The following PALB2 variants were observed in gnomAD, a reference collection of about 807,000 sequenced individuals.
PALB2 encodes mutant partner and localizer of BRCA2.
A neutral mutation model predicts 107.4 loss-of-function variants in PALB2; 82 were observed. The observed-to-expected ratio is 0.76, with a 90% CI of 0.64 to 0.92. PALB2 has a LOEUF of 0.92. Ranked by LOEUF, PALB2 falls within the 40% of genes least tolerant of loss-of-function variation. The pLI is 0.00. For missense variants in PALB2, 1,374 were observed against 1,379.9 expected (o/e 1.00, Z 0.07); for synonymous variants, 489 against 496.8 (o/e 0.98, Z 0.21).
chr16:23,631,094 T>C (rs1597092029), intron 4 of PALB2, among the ~76,000 whole-genome samples: 1 of 139,034 alleles, frequency 7.2e-6, no homozygotes, highest in Admixed American at 7.4e-5. Context: ...TGAAACCCCG[T>C]CTCTACTAAA....
intron 7 of PALB2, among the ~76,000 whole-genome samples, 178 bp downstream of exon 7, chr16:23,626,058 G>T (rs1966841949): frequency 6.6e-6 from 1 of 152,056 alleles, no homozygotes; most frequent in African/African-American, 2.4e-5. Flanking sequence ...TGGGTATATG[G>T]GTGCTCACTA....
rs138959843 is a variant in PALB2, at chr16:23,628,026, C to A, written c.2586+1178G>T. 2.9e-3 allele frequency among the ~76,000 whole-genome samples: 444 copies of A among 152,312 alleles called. 2 individuals are homozygous for A. Among genetic ancestry groups the A allele is most frequent in the African/African-American group, 0.01 (428 of 41,562 alleles). Reference sequence around the variant, plus strand: ...ATCCCCTGAGGTCAGGAGTTCAAGACCAGCCTGGCCAACATGGCAAAACCC... The same window carrying A: ...ATCCCCTGAGGTCAGGAGTTCAAGAACAGCCTGGCCAACATGGCAAAACCC... On this transcript the variant is annotated intron_variant, in intron 6 of 12. Transcript: ENST00000261584.
In PALB2 at chr16:23,630,460, C is replaced by T. The variant is rs876659914; in HGVS notation, c.1694G>A (p.Ser565Asn). ...AAGGGAATCCTCTTTTTGATGACGA[C>T]TTTTCTTCCCTAAAGAAGAAAAATA... The part of the protein sequence containing the change: ...KLFIQVKGKK[S>N]RHQKEDSLSW... Residue 565 changes from serine (S) to asparagine (N), a missense_variant, in exon 5 of 13, where the codon AGT becomes AAT. Physicochemically the swap from Ser to Asn is conservative, Grantham distance 46. Transcript: ENST00000261584. The T allele has an allele frequency of 1.2e-6, 2 of 1,610,432 alleles. No individual in the cohort carries two copies. Among genetic ancestry groups the T allele is most frequent in the Non-Finnish European group, 1.7e-6 (2 of 1,177,652 alleles).
Position 23,630,261 on chromosome 16 carries a change from T to C in PALB2, c.1893A>G (p.Ser631=). 1 of 1,614,208 alleles carries C rather than the reference T, an allele frequency of 6.2e-7. No individual in the cohort carries two copies. Among genetic ancestry groups the C allele is most frequent in the Non-Finnish European group, 8.5e-7 (1 of 1,180,028 alleles). ...PLKLEKVKSC[S]EKPVEPFESK... ...ACTCAAAGGGCTCCACTGGTTTTTC[T>C]GAGCAGGACTTCACTTTTTCAAGCT... The change falls in exon 5 of 13, where the codon TCA becomes TCG. Residue 631 remains serine, a synonymous_variant. Transcript: ENST00000261584.
intron 4 of PALB2, among the ~76,000 whole-genome samples, chr16:23,632,675 C>T (rs1734437230): frequency 6.6e-6 from 1 of 152,094 alleles, no homozygotes; most frequent in African/African-American, 2.4e-5. Context: ...GTGGTGGTTG[C>T]ACAACACTGT....
chr16:23,606,482 G>C (rs1447343908), intron 12 of PALB2, among the ~76,000 whole-genome samples: 1 of 152,116 alleles, frequency 6.6e-6, no homozygotes, highest in Non-Finnish European at 1.5e-5. Context: ...CTTTGCATAA[G>C]GTCCAAAAAA....
rs2142250365 is a variant in PALB2, at chr16:23,603,437, T to C, written c.*22A>G. Reference sequence around the variant, plus strand: ...AAGAGGCCCAATATATCCAGAAAATTGTGTTTTCACTTTACCCTAACTTAT... The same window carrying C: ...AAGAGGCCCAATATATCCAGAAAATCGTGTTTTCACTTTACCCTAACTTAT... On this transcript the variant is annotated 3_prime_UTR_variant, in exon 13 of 13. Transcript: ENST00000261584. 1.9e-6 allele frequency: 3 copies of C among 1,585,132 alleles called. No individual in the cohort carries two copies. The highest frequency in any genetic ancestry group is 1.7e-6 in the Non-Finnish European group (2 of 1,153,922).
rs768248338 is a variant in PALB2 at position 23,630,245 on chromosome 16, G to T, written c.1909C>A (p.Pro637Thr). 2.5e-6 allele frequency: 4 copies of T among 1,614,056 alleles called. No homozygotes were observed. In the South Asian group the frequency reaches 3.3e-5, roughly 13 times the overall value. Residue 637 changes from proline to threonine, a missense_variant, in exon 5 of 13, where the codon CCC becomes ACC. Transcript: ENST00000261584. ...VKSCSEKPVEPFESKMFGERH... is the reference protein window; with the variant it reads ...VKSCSEKPVETFESKMFGERH... Reference sequence around the variant, plus strand: ...TCTCCAAACATTTTTGACTCAAAGGGCTCCACTGGTTTTTCTGAGCAGGAC... The same window carrying T: ...TCTCCAAACATTTTTGACTCAAAGGTCTCCACTGGTTTTTCTGAGCAGGAC...
chr16:23,626,974 C>CA (rs1178636284), intron 6 of PALB2, among the ~76,000 whole-genome samples: 8 of 151,634 alleles, frequency 5.3e-5, no homozygotes, highest in African/African-American at 1.7e-4. Context: ...GATATAACCA[C>CA]AAAAAAAATC....
chr16:23,634,639 T>TTTTATTTTTTTA (rs1555461107), intron 4 of PALB2, among the ~76,000 whole-genome samples: 1 of 146,788 alleles, frequency 6.8e-6, no homozygotes, highest in African/African-American at 2.5e-5. Flanking sequence ...GTCTCTTTAT[T>TTTTATTTTTTTA]TTTATTTATT....
chr16:23,620,067 AC>A (rs1321830158), intron 10 of PALB2, among the ~76,000 whole-genome samples: 1 of 152,102 alleles, frequency 6.6e-6, no homozygotes, highest in Non-Finnish European at 1.5e-5. Context: ...GGCATGAGCC[AC>A]CCGTGCCCGG....
intron 10 of PALB2, among the ~76,000 whole-genome samples, chr16:23,618,015 T>A (rs921114994): frequency 2.6e-5 from 4 of 151,252 alleles, no homozygotes; most frequent in Admixed American, 2.0e-4. Flanking sequence ...AAAAGAAAAA[T>A]TAGCCAGGCA....
At chr16:23,633,880 AT>A (rs973043121) in intron 4 of PALB2, among the ~76,000 whole-genome samples, 4 of 150,742 alleles carry the variant, frequency 2.7e-5, no homozygotes, top group Non-Finnish European at 4.4e-5. Context: ...ATTTTTCTAT[AT>A]TTTTTTTTGT....
At chr16:23,637,557 G>C (rs1370915958) in intron 3 of PALB2, among the ~76,000 whole-genome samples, 1 of 151,844 alleles carries the variant, frequency 6.6e-6, no homozygotes, top group East Asian at 1.9e-4. Flanking sequence ...ATAACAATTA[G>C]TCAGGTGTGG....
chr16:23,639,304 G>T (rs1166722192), intron 1 of PALB2, among the ~76,000 whole-genome samples: 1 of 152,094 alleles, frequency 6.6e-6, no homozygotes, highest in African/African-American at 2.4e-5. Context: ...AAGCTGAGGT[G>T]GGTGGATCAT....
intron 1 of PALB2, chr16:23,640,335 A>G (rs1357218654): frequency 1.5e-5 from 3 of 204,458 alleles, no homozygotes; most frequent in African/African-American, 2.3e-5. Context: ...AGTACAGTCT[A>G]AAGAAGCAAG....
intron 11 of PALB2, among the ~76,000 whole-genome samples, chr16:23,613,699 A>C (rs2142297020): frequency 6.6e-6 from 1 of 152,258 alleles, no homozygotes; most frequent in Non-Finnish European, 1.5e-5. Flanking sequence ...ATCCTTCCTA[A>C]GGCTACTTAA....
intron 7 of PALB2, among the ~76,000 whole-genome samples, chr16:23,625,489 A>C (rs1966840737): frequency 6.6e-6 from 1 of 151,638 alleles, no homozygotes; most frequent in Non-Finnish European, 1.5e-5. Context: ...GACATGGCAA[A>C]ACCCTGTCTG....
At chr16:23,608,575 G>C (rs1358308363) in intron 11 of PALB2, among the ~76,000 whole-genome samples, 3 of 152,024 alleles carry the variant, frequency 2.0e-5, no homozygotes, top group Non-Finnish European at 2.9e-5. Flanking sequence ...TGAACATTCA[G>C]AACATGTTTT....
Sources: gnomAD v4.1 joint callset for allele counts (sites outside exome capture counted in the v4.1 genomes callset) on GRCh38, gnomAD v4.1.1 for gene constraint, MANE v1.5 for transcripts, NCBI Gene and HGNC (gene_info 2026-07-23, HGNC 2026-07-21) for gene names.